SLC11A2: variants seen among roughly 807,000 people sequenced by gnomAD.
The protein encoded by SLC11A2 is natural resistance-associated macrophage protein 2.
In SLC11A2, 38 loss-of-function variants were observed where a neutral mutation model predicts 68.0. That is an observed-to-expected ratio of 0.56 (90% CI 0.43 to 0.73). SLC11A2 has a LOEUF of 0.73. SLC11A2 is among the 30% of genes least tolerant of loss of function. The probability of loss-of-function intolerance (pLI) is 0.00; values close to 1 mark genes in which losing one functional copy is unlikely to be tolerated. For synonymous variants in SLC11A2, 242 were observed against 250.6 expected (o/e 0.97, Z 0.32); for missense variants, 517 against 690.5 (o/e 0.75, Z 2.82).
At chr12:50,973,426 G>A in the SLC11A2 span, among the ~76,000 whole-genome samples, 18 of 152,112 alleles carry the variant, frequency 1.2e-4, no homozygotes, top group Non-Finnish European at 2.6e-4. Flanking sequence ...CTGCAGCTGA[G>A]GGTCCTGACT....
At chr12:50,982,373 C>T (rs910171703), downstream of SLC11A2, among the ~76,000 whole-genome samples, 2 of 152,216 alleles carry the variant, frequency 1.3e-5, no homozygotes, top group Non-Finnish European at 2.9e-5. Context: ...CGCCTGTAAA[C>T]CCAGCACTTT....
At chr12:51,001,131 C>A in intron 5 of SLC11A2, among the ~76,000 whole-genome samples, 1 of 149,996 alleles carries the variant, frequency 6.7e-6, no homozygotes, top group East Asian at 2.0e-4. Context: ...CGCCACTGCA[C>A]TCCAGCCTGG....
the SLC11A2 span, among the ~76,000 whole-genome samples, chr12:50,957,937 G>GGGGTGTGT: frequency 1.5e-5 from 2 of 132,408 alleles, no homozygotes; most frequent in African/African-American, 2.7e-5. Flanking sequence ...ATGAATTGGA[G>GGGGTGTGT]GTGTGTGTGT....
chr12:51,008,784 A>C (rs866703883), intron 2 of SLC11A2, among the ~76,000 whole-genome samples, 160 bp from the exon 3 acceptor site: 3 of 152,208 alleles, frequency 2.0e-5, no homozygotes, highest in Admixed American at 6.5e-5. Context: ...TTTAATGTAC[A>C]TTTTAGAATA....
At chr12:50,971,943 T>C in the SLC11A2 span, among the ~76,000 whole-genome samples, 1 of 152,252 alleles carries the variant, frequency 6.6e-6, no homozygotes, top group South Asian at 2.1e-4. Context: ...ATTTTAAAAG[T>C]TGTCAACTGT....
chr12:51,011,416 ACGC>A (rs1943216634), intron 1 of SLC11A2, among the ~76,000 whole-genome samples: 1 of 150,464 alleles, frequency 6.6e-6, no homozygotes, highest in African/African-American at 2.4e-5. Flanking sequence ...GCATGAGCCA[ACGC>A]ACCTGGCCAG....
intron 2 of SLC11A2, 101 bp downstream of exon 2, chr12:51,010,594 G>T: frequency 2.8e-6 from 2 of 713,512 alleles, no homozygotes; most frequent in Non-Finnish European, 2.6e-6. Flanking sequence ...TAGAATAGAT[G>T]ATGACAGATG....
intron 1 of SLC11A2, among the ~76,000 whole-genome samples, chr12:51,021,953 C>G (rs1169747161): frequency 6.6e-6 from 1 of 152,110 alleles, no homozygotes; most frequent in African/African-American, 2.4e-5. Flanking sequence ...CCAGAGACAT[C>G]AGAATTAGAA....
At chr12:50,962,232 TACACACACAC>T in the SLC11A2 span, among the ~76,000 whole-genome samples, 3 of 146,198 alleles carry the variant, frequency 2.1e-5, no homozygotes, top group Non-Finnish European at 4.5e-5. Flanking sequence ...CTAAAAAAAT[TACACACACAC>T]ACACACACAC....
chr12:50,990,749 A>G, intron 15 of SLC11A2, 46 bp downstream of exon 15: 1 of 1,604,564 alleles, frequency 6.2e-7, no homozygotes, highest in Non-Finnish European at 8.5e-7. Context: ...ACCCCACCTC[A>G]ACCATCCCTG....
At position 50,987,088 on chromosome 12, in the gene SLC11A2, G is replaced by A; in HGVS notation, c.*1237C>T. On this transcript the variant is annotated 3_prime_UTR_variant, in exon 16 of 16. Coordinates refer to ENST00000262052, the MANE Select transcript of SLC11A2 (RefSeq NM_000617.3). ...TCGGTATGTAAAAATGTCAGAAGTGGCTGAAGTAAAAGCAGCAGCTTTGTG... is the reference window on the plus strand; with the variant it reads ...TCGGTATGTAAAAATGTCAGAAGTGACTGAAGTAAAAGCAGCAGCTTTGTG... 4.7e-6 allele frequency: 6 copies of A among 1,286,308 alleles called. No homozygotes were observed. The highest frequency in any genetic ancestry group is 6.1e-6 in the Non-Finnish European group (6 of 988,324). 79.7% of individuals were successfully genotyped at this position (1,286,308 alleles called of 1,614,324 possible). A position where few individuals can be genotyped will look rare whatever the true frequency, so the allele number is the denominator to read the frequency against.
At chr12:50,999,125 A>C (rs750121238) in intron 8 of SLC11A2, 49 bp downstream of exon 8, 25 of 1,425,182 alleles carry the variant, frequency 1.8e-5, no homozygotes, top group African/African-American at 5.7e-5. Flanking sequence ...AAAAAAAAAA[A>C]CCACAAAAAC....
At chr12:50,996,675 G>A (rs1281044451) in intron 9 of SLC11A2, 142 bp downstream of exon 9, 6 of 792,678 alleles carry the variant, frequency 7.6e-6, no homozygotes, top group Non-Finnish European at 1.3e-5. Context: ...TAAGTATATG[G>A]AGTTTATAAA....
intron 1 of SLC11A2, chr12:51,014,089 T>C (rs1051684482): frequency 9.2e-5 from 14 of 152,436 alleles, no homozygotes; most frequent in African/African-American, 3.4e-4. Flanking sequence ...CCCAAAGTGC[T>C]GGGATTACAG....
intron 14 of SLC11A2, 132 bp downstream of exon 14, chr12:50,991,467 A>G: frequency 1.4e-6 from 1 of 735,642 alleles, no homozygotes; most frequent in South Asian, 1.5e-5. Context: ...TAAGCCAAAG[A>G]GGAAGCAGCT....
chr12:51,004,509 G>A (rs1262337989), intron 5 of SLC11A2, among the ~76,000 whole-genome samples: 4 of 152,180 alleles, frequency 2.6e-5, no homozygotes, highest in Admixed American at 2.6e-4. Flanking sequence ...CCCTTGGGCT[G>A]GGCATTGCTA....
intron 1 of SLC11A2, chr12:51,025,719 G>A (rs573340782): frequency 1.0e-6 from 1 of 981,720 alleles, no homozygotes; most frequent in Admixed American, 6.2e-5. Context: ...ATTGGAGCCT[G>A]GAATCCAGAG....
chr12:50,992,765 A>G (rs224568), intron 12 of SLC11A2, 45 bp downstream of exon 12: 260,322 of 1,595,918 alleles, frequency 0.16, 24,361 homozygotes, highest in East Asian at 0.45. Context: ...AGAAGAAGTA[A>G]CAAAAGGGTT....
intron 10 of SLC11A2, chr12:50,995,032 C>G (rs1174518247): frequency 3.6e-6 from 1 of 279,436 alleles, no homozygotes; most frequent in African/African-American, 2.2e-5. Context: ...ACAGGCAGGC[C>G]AGGCACAGGA....
Sources: allele counts gnomAD v4.1 joint callset (sites outside exome capture counted in the v4.1 genomes callset), GRCh38; gene constraint gnomAD v4.1.1; transcripts MANE v1.5; gene names NCBI Gene and HGNC (gene_info 2026-07-23, HGNC 2026-07-21).